Variants in AGAP1 observed in about 807,000 individuals in gnomAD.
The protein encoded by AGAP1 is ArfGAP with GTPase domain, ankyrin repeat and PH domain 1, also known as arf-GAP with GTPase, ANK repeat and PH domain-containing protein 1.
Under a neutral mutation model 105.3 loss-of-function variants are expected in AGAP1, and 29 were observed. The observed-to-expected ratio is 0.28, with a 90% CI of 0.21 to 0.38. The LOEUF is 0.38. Ranked by LOEUF, AGAP1 falls within the 10% of genes least tolerant of loss-of-function variation. The pLI is 1.00. For synonymous variants in AGAP1, 509 were observed against 485.9 expected, an observed-to-expected ratio of 1.05 and a Z score of -0.63; for missense variants, 998 against 1,165.1, an observed-to-expected ratio of 0.86 and a Z score of 2.09.
In AGAP1 at chr2:236,038,104, C is replaced by T. The variant is rs976098938; in HGVS notation, c.1800+1389C>T. Among the ~76,000 whole-genome samples, 12 of 152,138 alleles carry T rather than the reference C, an allele frequency of 7.9e-5. No homozygotes were observed. Among genetic ancestry groups the T allele is most frequent in the Admixed American group, 2.6e-4 (4 of 15,278 alleles). On this transcript the variant is annotated intron_variant, in intron 14 of 17. Coordinates refer to ENST00000304032, the MANE Select transcript of AGAP1 (RefSeq NM_001037131.3). The surrounding 1 kb of genome is among the most constrained non-coding windows in gnomAD (Gnocchi z 4.5). ...TTCCCTTTTTAAAAGATGTTTTATA[C>T]TCAAGGTGGGGAGAACCACTGCCTT...
At chr2:235,776,712 C>T (rs570705428) in intron 6 of AGAP1, among the ~76,000 whole-genome samples, 2 of 152,216 alleles carry the variant, frequency 1.3e-5, no homozygotes, top group Middle Eastern at 3.4e-3. Flanking sequence ...CTGCAGGGAG[C>T]GGAGGGCCCT....
intron 1 of AGAP1, among the ~76,000 whole-genome samples, chr2:235,509,326 C>G (rs1180685639): frequency 6.6e-6 from 1 of 152,042 alleles, no homozygotes; most frequent in Non-Finnish European, 1.5e-5. Flanking sequence ...TCCCAGGTTC[C>G]TGGGTTCAAG....
At position 235,864,026 on chromosome 2, in the gene AGAP1, T is replaced by G. The variant is rs570177045; in HGVS notation, c.1051-19319T>G. Among the ~76,000 whole-genome samples the G allele has an allele frequency of 2.7e-4, 41 of 152,314 alleles. No individual in the cohort carries two copies. Among genetic ancestry groups the G allele is most frequent in the African/African-American group, 9.6e-4 (40 of 41,576 alleles). ...TAAATATTTTCCATAGATATAAAAG[T>G]CGACTTCATAGCTTGCCTGGTGTGC... On this transcript the variant is annotated intron_variant, in intron 9 of 17. Transcript: ENST00000304032. This position sits in a 1 kb window ranked among gnomAD's most constrained non-coding sequence, Gnocchi z 5.0.
chr2:235,882,246 C>G lies in AGAP1; in HGVS notation c.1051-1099C>G. On this transcript the variant is annotated intron_variant, in intron 9 of 17. Transcript: ENST00000304032. The surrounding 1 kb of genome is among the most constrained non-coding windows in gnomAD (Gnocchi z 4.6). ...GACCCACAGGCCAGTGGCATCGGTG[C>G]AGAGTGCCCAGGTTCACAATGCAGC... is the stretch of plus-strand genomic sequence containing the variant. The G allele has an allele frequency of 2.1e-6, 1 of 485,576 alleles. No homozygotes were observed. Among genetic ancestry groups the G allele is most frequent in the Non-Finnish European group, 3.8e-6 (1 of 261,794 alleles). The allele number at this position is 485,576 out of a possible 1,614,324, so 30.1% of individuals were successfully genotyped here.
chr2:235,566,610 G>T lies in AGAP1; in HGVS notation c.163+71761G>T. 1 of 984,916 alleles carries T rather than the reference G, an allele frequency of 1.0e-6. No individual in the cohort carries two copies. Among genetic ancestry groups the T allele is most frequent in the Non-Finnish European group, 1.2e-6 (1 of 829,516 alleles). The allele number at this position is 984,916 out of a possible 1,614,324, so 61.0% of individuals were successfully genotyped here. ...CTGTGAGTGGGCAGGTCTGTCTCCT[G>T]CCTCTCTTATTTATGTTGTATGCCT... On this transcript the variant is annotated intron_variant, in intron 1 of 17. Transcript: ENST00000304032. The surrounding 1 kb of genome is among the most constrained non-coding windows in gnomAD (Gnocchi z 5.2).
At chr2:236,068,001 G>T (rs1008943523) in intron 16 of AGAP1, among the ~76,000 whole-genome samples, 17 of 152,222 alleles carry the variant, frequency 1.1e-4, no homozygotes, top group African/African-American at 4.1e-4. Context: ...GCTGGGTGTG[G>T]TGGCTCACAC....
chr2:235,917,446 C>T (rs1018660015), intron 11 of AGAP1, among the ~76,000 whole-genome samples: 9 of 152,140 alleles, frequency 5.9e-5, no homozygotes, highest in African/African-American at 2.2e-4. Flanking sequence ...CGGACTTGCT[C>T]TTTCCTCTCC....
chr2:235,944,385 A>C (rs566559083), intron 12 of AGAP1, among the ~76,000 whole-genome samples: 1 of 152,210 alleles, frequency 6.6e-6, no homozygotes, highest in East Asian at 1.9e-4. Context: ...TATTTTTGTA[A>C]TGTTTGTAGA....
intron 1 of AGAP1, among the ~76,000 whole-genome samples, chr2:235,697,304 T>C (rs1950043368): frequency 6.6e-6 from 1 of 152,204 alleles, no homozygotes; most frequent in Non-Finnish European, 1.5e-5. Flanking sequence ...TGAACCAGCA[T>C]TGCCGCATCG....
chr2:235,943,624 A>G (rs1296384440), intron 12 of AGAP1, among the ~76,000 whole-genome samples: 1 of 152,196 alleles, frequency 6.6e-6, no homozygotes, highest in Admixed American at 6.5e-5. Flanking sequence ...TGCTGGGATT[A>G]CAGGCATGAG....
rs557828887 is a variant in AGAP1, at chr2:235,690,343, C to T, written c.164-18836C>T. Among the ~76,000 whole-genome samples the T allele has an allele frequency of 0.41, 180 of 440 alleles. 1 individual carries two copies. The highest frequency in any genetic ancestry group is 0.49 in the South Asian group (61 of 124). 0.3% of individuals were successfully genotyped at this position (440 alleles called of 152,430 possible). On this transcript the variant is annotated intron_variant, in intron 1 of 17. Coordinates refer to ENST00000304032, the MANE Select transcript of AGAP1 (RefSeq NM_001037131.3). The surrounding 1 kb of genome is among the most constrained non-coding windows in gnomAD (Gnocchi z 4.1). ...GGTGGACTCCTGGGGCTGGGGAGGC[C>T]GTGCCCTGGGGGCAGGTGCAGGAGG...
At chr2:235,800,251 A>G (rs534495101) in intron 8 of AGAP1, among the ~76,000 whole-genome samples, 50 of 150,440 alleles carry the variant, frequency 3.3e-4, no homozygotes, top group Non-Finnish European at 5.5e-4. Context: ...GGCACTCACC[A>G]CTACGTGTGG....
chr2:235,567,399 T>C (rs1188870332), intron 1 of AGAP1, among the ~76,000 whole-genome samples: 3 of 152,200 alleles, frequency 2.0e-5, no homozygotes. Flanking sequence ...AGATGGGCCC[T>C]GGGCGTCATT....
intron 6 of AGAP1, among the ~76,000 whole-genome samples, chr2:235,764,704 C>CATCTGGGAGCGTCCGTGGGGTGGGCGT (rs1954775957): frequency 1.3e-5 from 1 of 76,976 alleles, no homozygotes; most frequent in Non-Finnish European, 2.6e-5. Flanking sequence ...GGGGTGGGGG[C>CATCTGGGAGCGTCCGTGGGGTGGGCGT]ATCTGGGAGC....
chr2:235,539,348 T>G (rs575280262), intron 1 of AGAP1, among the ~76,000 whole-genome samples: 2 of 152,278 alleles, frequency 1.3e-5, no homozygotes, highest in East Asian at 3.9e-4. Context: ...AGGTAGAGGA[T>G]CTCTTAGGGA....
chr2:235,668,590 C>T (rs913207194), intron 1 of AGAP1, among the ~76,000 whole-genome samples: 2 of 152,206 alleles, frequency 1.3e-5, no homozygotes, highest in Non-Finnish European at 2.9e-5. Context: ...ATCAAGGAAA[C>T]TCTGAAACAA....
At chr2:235,605,022 G>T (rs1043960214) in intron 1 of AGAP1, among the ~76,000 whole-genome samples, 3 of 151,950 alleles carry the variant, frequency 2.0e-5, no homozygotes, top group Non-Finnish European at 2.9e-5. Flanking sequence ...CTGGCCACAG[G>T]CGTGCATCAC....
chr2:235,583,750 G>A (rs1054283137), intron 1 of AGAP1, among the ~76,000 whole-genome samples: 100 of 151,684 alleles, frequency 6.6e-4, no homozygotes, highest in African/African-American at 2.0e-3. Flanking sequence ...GGTGGTGTGC[G>A]CCTGTAGTCC....
At chr2:235,920,214 T>A (rs1324566294) in intron 11 of AGAP1, among the ~76,000 whole-genome samples, 1 of 152,166 alleles carries the variant, frequency 6.6e-6, no homozygotes, top group Admixed American at 6.5e-5. Context: ...GTCTTTAGAA[T>A]AAATACTTAC....
Sources: gnomAD v4.1 joint callset for allele counts (sites outside exome capture counted in the v4.1 genomes callset) on GRCh38, gnomAD v4.1.1 for gene constraint, Gnocchi (gnomAD v3.1) non-coding constraint, MANE v1.5 for transcripts, NCBI Gene and HGNC (gene_info 2026-07-23, HGNC 2026-07-21) for gene names.